The following COL4A2 variants were observed in gnomAD, a reference collection of about 807,000 sequenced individuals.
COL4A2 encodes the protein collagen type IV alpha 2 chain.
A neutral mutation model predicts 200.2 loss-of-function variants in COL4A2; 99 were observed. That is an observed-to-expected ratio of 0.49 (90% confidence interval 0.42 to 0.58). COL4A2 has a LOEUF of 0.58. Among genes scored for constraint, COL4A2 ranks in the 20% least tolerant of loss-of-function variants. The pLI, the probability that COL4A2 is intolerant of heterozygous loss-of-function variation, is 0.00. For synonymous variants in COL4A2, 897 were observed against 900.6 expected (o/e 1.00, Z 0.07); for missense variants, 1,950 against 2,314.1 (o/e 0.84, Z 3.23).
At chr13:110,462,560 G>A (rs1315643363) in intron 24 of COL4A2, 176 bp downstream of exon 24, 8 of 588,990 alleles carry the variant, frequency 1.4e-5, no homozygotes, top group Admixed American at 3.3e-5. Flanking sequence ...TTTAGGAAAC[G>A]GTGAATTAAG....
chr13:110,394,852 A>G (rs1879130892), intron 4 of COL4A2, among the ~76,000 whole-genome samples: 1 of 152,076 alleles, frequency 6.6e-6, no homozygotes, highest in Admixed American at 6.6e-5. Context: ...CCACTCCCTA[A>G]TTTTCTCCAC....
chr13:110,365,035 G>C (rs1243134252), intron 4 of COL4A2, among the ~76,000 whole-genome samples: 1 of 152,204 alleles, frequency 6.6e-6, no homozygotes, highest in African/African-American at 2.4e-5. Flanking sequence ...CTAAGTATTT[G>C]TTGAATGAAT....
At chr13:110,365,400 C>G (rs1877701581) in intron 4 of COL4A2, among the ~76,000 whole-genome samples, 1 of 152,190 alleles carries the variant, frequency 6.6e-6, no homozygotes, top group Admixed American at 6.5e-5. Context: ...CTCGGCCTCC[C>G]AAAGTGCTGG....
intron 31 of COL4A2, among the ~76,000 whole-genome samples, chr13:110,480,918 T>TGTTCTTCCATTGCTGGAGACACACA (rs1566558895): frequency 7.2e-6 from 1 of 139,488 alleles, no homozygotes; most frequent in Non-Finnish European, 1.6e-5. Context: ...GGAGACACAC[T>TGTTCTTCCATTGCTGGAGACACACA]GTTCTGTCCC....
chr13:110,503,780 T>C, intron 43 of COL4A2, 67 bp from the exon 44 acceptor site: 2 of 1,581,670 alleles, frequency 1.3e-6, no homozygotes, highest in Non-Finnish European at 1.7e-6. Flanking sequence ...AGAAACGCAG[T>C]AGCACTCGGA....
At chr13:110,446,109 G>C (rs544122952) in intron 17 of COL4A2, among the ~76,000 whole-genome samples, 2 of 152,334 alleles carry the variant, frequency 1.3e-5, no homozygotes, top group African/African-American at 4.8e-5. Flanking sequence ...GGCCACGTAG[G>C]GGTGCGCTCA....
chr13:110,454,691 G>C (rs533906532), intron 20 of COL4A2, among the ~76,000 whole-genome samples: 5 of 152,022 alleles, frequency 3.3e-5, no homozygotes, highest in South Asian at 4.2e-4. Flanking sequence ...CTCCCCTGAA[G>C]TCCCTGCCCC....
intron 3 of COL4A2, among the ~76,000 whole-genome samples, chr13:110,337,745 A>G (rs1243493443): frequency 7.2e-5 from 11 of 152,246 alleles, no homozygotes; most frequent in Non-Finnish European, 4.4e-5. Context: ...GTCCCAGGGA[A>G]GTCCCTGCAG....
intron 3 of COL4A2, among the ~76,000 whole-genome samples, chr13:110,335,364 G>A (rs887236399): frequency 6.6e-6 from 1 of 152,082 alleles, no homozygotes; most frequent in African/African-American, 2.4e-5. Flanking sequence ...TGAATCATGA[G>A]GGCGGTTTCC....
intron 20 of COL4A2, among the ~76,000 whole-genome samples, chr13:110,454,018 A>G (rs914479870): frequency 5.3e-5 from 8 of 152,214 alleles, no homozygotes; most frequent in African/African-American, 1.7e-4. Context: ...GCTACTGATG[A>G]AAACCAGAGT....
chr13:110,507,228 C>T (rs550224948), intron 46 of COL4A2, among the ~76,000 whole-genome samples: 26 of 152,188 alleles, frequency 1.7e-4, no homozygotes, highest in Non-Finnish European at 2.9e-4. Context: ...GTTCTGCCCC[C>T]GGGAAGCATG....
chr13:110,445,924 C>T (rs1410346480), intron 17 of COL4A2, 42 bp downstream of exon 17: 1 of 1,610,256 alleles, frequency 6.2e-7, no homozygotes, highest in Non-Finnish European at 8.5e-7. Context: ...TGGTGTCTCG[C>T]CCACCCTGGC....
chr13:110,360,724 T>C (rs1877476427), intron 4 of COL4A2, among the ~76,000 whole-genome samples: 1 of 152,200 alleles, frequency 6.6e-6, no homozygotes, highest in Admixed American at 6.5e-5. Flanking sequence ...TCAACACTGA[T>C]CCAATTAAGC....
In COL4A2 at chr13:110,385,506, T is replaced by C. The variant is rs111950631; in HGVS notation, c.180+27954T>C. 4.8e-3 allele frequency among the ~76,000 whole-genome samples: 381 copies of C among 79,988 alleles called. 7 individuals carry two copies. The highest frequency in any genetic ancestry group is 0.014 in the African/African-American group (287 of 20,190). The allele number at this position is 79,988 out of a possible 152,430, so 52.5% of individuals were successfully genotyped here. A position where few individuals can be genotyped will look rare whatever the true frequency, so the allele number is the denominator to read the frequency against. ...GTGTGGATAGGCCGTGGTTACAGTG[T>C]GTGGATAGGCCGTGGTTACAGTGCG... On this transcript the variant is annotated intron_variant, in intron 4 of 47. Transcript: ENST00000360467.
chr13:110,425,635 C>G (rs1456606907), intron 6 of COL4A2, among the ~76,000 whole-genome samples: 1 of 152,210 alleles, frequency 6.6e-6, no homozygotes, highest in African/African-American at 2.4e-5. Flanking sequence ...ATCGCACGTT[C>G]TGACCCACCT....
At chr13:110,350,794 T>G (rs530651370) in intron 3 of COL4A2, among the ~76,000 whole-genome samples, 1 of 152,208 alleles carries the variant, frequency 6.6e-6, no homozygotes, top group African/African-American at 2.4e-5. Flanking sequence ...TCCAGGGTGA[T>G]GCTGATGGGC....
At chr13:110,331,175 A>G (rs367977061) in intron 3 of COL4A2, among the ~76,000 whole-genome samples, 30 of 152,346 alleles carry the variant, frequency 2.0e-4, no homozygotes, top group African/African-American at 4.6e-4. Flanking sequence ...AAATATGCCA[A>G]TAAAATCGTG....
At chr13:110,480,475 C>T in intron 31 of COL4A2, 85 bp downstream of exon 31, 4 of 1,384,190 alleles carry the variant, frequency 2.9e-6, no homozygotes, top group African/African-American at 2.9e-5. Flanking sequence ...TGCTGGGCGC[C>T]TCTGTGGGCC....
At position 110,425,115 on chromosome 13, in the gene COL4A2, G is replaced by A. The variant is rs551509263; in HGVS notation, c.360+118G>A. ...CTTTTTTGTTTATGACATAAAACAC[G>A]TGGGGACTATACGTGCGTATTCTCC... On this transcript the variant is annotated intron_variant, in intron 6 of 47. Coordinates refer to ENST00000360467, the MANE Select transcript of COL4A2 (RefSeq NM_001846.4). The A allele has an allele frequency of 3.3e-4, 401 of 1,213,798 alleles. 7 individuals are homozygous for A. The South Asian group carries it at 4.9e-3, about 15-fold the overall frequency. 75.2% of individuals were successfully genotyped at this position (1,213,798 alleles called of 1,614,324 possible).
Sources: allele counts gnomAD v4.1 joint callset (sites outside exome capture counted in the v4.1 genomes callset), GRCh38; gene constraint gnomAD v4.1.1; transcripts MANE v1.5; gene names NCBI Gene and HGNC (gene_info 2026-07-23, HGNC 2026-07-21).